Variants in NLGN1 observed in about 807,000 individuals in gnomAD.
NLGN1 encodes neuroligin 1.
In NLGN1, 12 loss-of-function variants were observed where a neutral mutation model predicts 65.5. The ratio of observed to expected loss-of-function variants is 0.18; its 90% CI spans 0.12 to 0.30. The LOEUF (loss-of-function observed/expected upper bound fraction) is 0.30, where lower values mean the gene tolerates loss of function less well. Among genes scored for constraint, NLGN1 ranks in the 10% least tolerant of loss-of-function variants. The pLI, the probability that NLGN1 is intolerant of heterozygous loss-of-function variation, is 1.00. For missense variants in NLGN1, 750 were observed against 1,007.1 expected, an observed-to-expected ratio of 0.74 and a Z score of 3.46; for synonymous variants, 350 against 359.5, an observed-to-expected ratio of 0.97 and a Z score of 0.30.
chr3:173,829,178 G>T (rs537492064), intron 4 of NLGN1, among the ~76,000 whole-genome samples: 1 of 152,160 alleles, frequency 6.6e-6, no homozygotes, highest in African/African-American at 2.4e-5. Flanking sequence ...ACTGCAAGAG[G>T]GAGCTTTCAT....
chr3:173,499,539 C>T (rs1421105540), intron 2 of NLGN1, among the ~76,000 whole-genome samples: 1 of 151,922 alleles, frequency 6.6e-6, no homozygotes, highest in East Asian at 1.9e-4. Context: ...GCAATGCAGG[C>T]TCTTTTTTGG....
chr3:173,446,113 G>A (rs1010204525), intron 2 of NLGN1, among the ~76,000 whole-genome samples: 1 of 148,602 alleles, frequency 6.7e-6, no homozygotes, highest in South Asian at 2.1e-4. Context: ...TGTGCACAAC[G>A]TGCAGGTTTG....
intron 4 of NLGN1, among the ~76,000 whole-genome samples, chr3:174,247,786 C>A (rs930653341): frequency 6.6e-6 from 1 of 152,196 alleles, no homozygotes; most frequent in Non-Finnish European, 1.5e-5. Context: ...CTGTGAAAGA[C>A]CAGACGTTTT....
intron 4 of NLGN1, among the ~76,000 whole-genome samples, chr3:174,119,329 T>C (rs1261961966): frequency 2.0e-5 from 3 of 152,196 alleles, no homozygotes; most frequent in East Asian, 1.9e-4. Flanking sequence ...AATTTGTTTC[T>C]CTTTCACTTA....
At chr3:173,661,604 A>C (rs558003057) in intron 3 of NLGN1, among the ~76,000 whole-genome samples, 1 of 152,112 alleles carries the variant, frequency 6.6e-6, no homozygotes, top group Non-Finnish European at 1.5e-5. Context: ...TTGATTAGGT[A>C]TTTGGCCTGT....
intron 2 of NLGN1, among the ~76,000 whole-genome samples, chr3:173,568,214 T>C (rs1032745876): frequency 1.3e-4 from 18 of 143,848 alleles, no homozygotes; most frequent in Non-Finnish European, 2.3e-4. Context: ...TTTCCTTTCC[T>C]TTTCCTTTCC....
intron 3 of NLGN1, among the ~76,000 whole-genome samples, chr3:173,758,235 T>C (rs7649832): frequency 0.94 from 143,152 of 152,082 alleles, 67,476 homozygotes; most frequent in East Asian, 1. Flanking sequence ...AATCAGCTTT[T>C]GTCTTGATCT....
chr3:174,217,632 C>T (rs1010471309), intron 4 of NLGN1, among the ~76,000 whole-genome samples: 2 of 152,010 alleles, frequency 1.3e-5, no homozygotes, highest in Non-Finnish European at 2.9e-5. Context: ...ATAATTACCT[C>T]CCAAAAGCTC....
At chr3:173,752,378 C>T (rs192860906) in intron 3 of NLGN1, among the ~76,000 whole-genome samples, 34 of 152,138 alleles carry the variant, frequency 2.2e-4, no homozygotes, top group African/African-American at 8.2e-4. Flanking sequence ...TACACCTCGT[C>T]ATAAGCAGAG....
chr3:173,535,962 A>G (rs1449771719), intron 2 of NLGN1, among the ~76,000 whole-genome samples: 2 of 152,232 alleles, frequency 1.3e-5, no homozygotes, highest in African/African-American at 4.8e-5. Context: ...CAGTCATGTG[A>G]TAAAACAAGA....
intron 4 of NLGN1, among the ~76,000 whole-genome samples, chr3:173,937,346 T>A (rs1020200619): frequency 1.3e-5 from 2 of 152,078 alleles, no homozygotes; most frequent in African/African-American, 2.4e-5. Flanking sequence ...GGTGTTGAGA[T>A]ATATACAAAT....
intron 2 of NLGN1, among the ~76,000 whole-genome samples, chr3:173,526,586 A>G (rs1013237963): frequency 6.6e-6 from 1 of 152,282 alleles, no homozygotes; most frequent in South Asian, 2.1e-4. Flanking sequence ...TCAAGCATTT[A>G]TCCTTTGTGT....
At chr3:173,659,702 A>G (rs549755035) in intron 3 of NLGN1, among the ~76,000 whole-genome samples, 99 of 151,786 alleles carry the variant, frequency 6.5e-4, no homozygotes, top group African/African-American at 2.3e-3. Flanking sequence ...CTAGCTTCAA[A>G]TCATGGTGTG....
At chr3:173,424,533 C>G (rs527470277) in intron 1 of NLGN1, among the ~76,000 whole-genome samples, 26 of 152,316 alleles carry the variant, frequency 1.7e-4, no homozygotes, top group Non-Finnish European at 5.9e-5. Flanking sequence ...TTCACGTTCT[C>G]TCTTGAACAC....
intron 2 of NLGN1, among the ~76,000 whole-genome samples, chr3:173,497,020 C>G (rs1203416795): frequency 6.6e-6 from 1 of 151,808 alleles, no homozygotes; most frequent in Non-Finnish European, 1.5e-5. Context: ...CTTGATGAAT[C>G]ATCATGATAA....
At chr3:174,150,754 C>G (rs186090556) in intron 4 of NLGN1, among the ~76,000 whole-genome samples, 4 of 152,010 alleles carry the variant, frequency 2.6e-5, no homozygotes, top group African/African-American at 7.2e-5. Context: ...CTATTTGGAG[C>G]AGGAAGTACA....
chr3:173,921,968 C>G (rs1463300848), intron 4 of NLGN1, among the ~76,000 whole-genome samples: 1 of 152,090 alleles, frequency 6.6e-6, no homozygotes, highest in African/African-American at 2.4e-5. Flanking sequence ...ACAGCTACAG[C>G]AGAGCCCAAT....
intron 4 of NLGN1, among the ~76,000 whole-genome samples, chr3:173,958,788 C>A (rs150844375): frequency 6.6e-6 from 1 of 152,188 alleles, no homozygotes; most frequent in African/African-American, 2.4e-5. Context: ...GCTGTTCATG[C>A]TGAGAGATGC....
chr3:173,963,472 C>T (rs80061999), intron 4 of NLGN1, among the ~76,000 whole-genome samples: 2 of 152,038 alleles, frequency 1.3e-5, no homozygotes, highest in East Asian at 1.9e-4. Flanking sequence ...GTTCTATGTA[C>T]GGATCTGGAA....
Sources: gnomAD v4.1 joint callset for allele counts (sites outside exome capture counted in the v4.1 genomes callset) on GRCh38, gnomAD v4.1.1 for gene constraint, MANE v1.5 for transcripts, NCBI Gene and HGNC (gene_info 2026-07-23, HGNC 2026-07-21) for gene names.